Variants in LAMA2 observed in about 807,000 individuals in gnomAD.
The protein encoded by LAMA2 is laminin subunit alpha 2, also known as laminin subunit alpha-2.
A neutral mutation model predicts 364.8 loss-of-function variants in LAMA2; 269 were observed. The ratio of observed to expected loss-of-function variants is 0.74; its 90% CI spans 0.67 to 0.82. The LOEUF (loss-of-function observed/expected upper bound fraction) is 0.82. LAMA2 is among the 40% of genes least tolerant of loss of function. The pLI is 0.00. For missense variants in LAMA2, 3,807 were observed against 3,873.2 expected, an observed-to-expected ratio of 0.98 and a Z score of 0.45; for synonymous variants, 1,379 against 1,370.6, an observed-to-expected ratio of 1.01 and a Z score of -0.14.
chr6:129,064,591 C>T (rs1789168222), intron 3 of LAMA2, among the ~76,000 whole-genome samples: 1 of 151,952 alleles, frequency 6.6e-6, no homozygotes, highest in South Asian at 2.1e-4. Context: ...AAAGAGGAGA[C>T]ATTACTACTG....
Position 129,251,448 on chromosome 6 carries a change from A to G in LAMA2, c.1885-636A>G, listed in dbSNP as rs915699742. Among the ~76,000 whole-genome samples the G allele has an allele frequency of 3.9e-5, 6 of 152,154 alleles. 1 individual carries two copies. The South Asian group carries it at 1.2e-3, about 32-fold the overall frequency. ...ACTTTTTTCAATTCAAGGTGTTTGTAATCACATATATGTTTATGAGTTGTC... is the reference window on the plus strand; with the variant it reads ...ACTTTTTTCAATTCAAGGTGTTTGTGATCACATATATGTTTATGAGTTGTC... On this transcript the variant is annotated intron_variant, in intron 13 of 64. Transcript: ENST00000421865.
chr6:128,916,064 T>C (rs1778292886), intron 1 of LAMA2, among the ~76,000 whole-genome samples: 1 of 152,204 alleles, frequency 6.6e-6, no homozygotes, highest in African/African-American at 2.4e-5. Flanking sequence ...TGGCTGATGT[T>C]CTCTATTATC....
At chr6:129,209,009 C>T (rs1782908649) in intron 12 of LAMA2, among the ~76,000 whole-genome samples, 1 of 152,008 alleles carries the variant, frequency 6.6e-6, no homozygotes, top group Non-Finnish European at 1.5e-5. Context: ...GGAAATAAGT[C>T]ATTTATAATG....
chr6:129,471,632 T>G (rs1783817799), intron 51 of LAMA2, among the ~76,000 whole-genome samples: 1 of 151,936 alleles, frequency 6.6e-6, no homozygotes, highest in African/African-American at 2.4e-5. Context: ...GAAAAAGTCT[T>G]GAAAACAGTT....
At chr6:129,381,185 G>A (rs559821621) in intron 34 of LAMA2, among the ~76,000 whole-genome samples, 47 of 152,070 alleles carry the variant, frequency 3.1e-4, no homozygotes, top group Non-Finnish European at 5.1e-4. Flanking sequence ...ACATTAATCC[G>A]TAAGGTAAGA....
At chr6:128,933,329 T>G (rs1779613566) in intron 1 of LAMA2, among the ~76,000 whole-genome samples, 1 of 152,026 alleles carries the variant, frequency 6.6e-6, no homozygotes, top group Non-Finnish European at 1.5e-5. Flanking sequence ...GATGGATACT[T>G]AGGCCATTTA....
chr6:128,945,860 A>G (rs1780453727), intron 1 of LAMA2, among the ~76,000 whole-genome samples: 1 of 152,236 alleles, frequency 6.6e-6, no homozygotes, highest in Non-Finnish European at 1.5e-5. Flanking sequence ...AGAAGATATA[A>G]TTCGGATATA....
intron 33 of LAMA2, among the ~76,000 whole-genome samples, chr6:129,368,557 A>G (rs1777902080): frequency 6.6e-6 from 1 of 152,192 alleles, no homozygotes; most frequent in Non-Finnish European, 1.5e-5. Context: ...ATTAAACTAG[A>G]AAAGCAAACA....
chr6:129,025,930 C>T (rs995363915), intron 1 of LAMA2, among the ~76,000 whole-genome samples: 5 of 152,126 alleles, frequency 3.3e-5, no homozygotes, highest in Admixed American at 6.5e-5. Flanking sequence ...GTCCATAGAA[C>T]GTATTTGTTG....
At position 129,391,648 on chromosome 6, in the gene LAMA2, G is replaced by T; in HGVS notation, c.5229G>T (p.Glu1743Asp). The change falls in exon 36 of 65, where the codon GAG becomes GAT. Residue 1743 changes from glutamate (E) to aspartate (D), a missense_variant. By Grantham distance (45) the Glu-to-Asp change is conservative. This residue lies in a region of LAMA2 where 3,333 missense variants were observed against 3,345.7 expected (regional missense o/e 1.00). Transcript: ENST00000421865. ...CACAAAAGGAAATTGCTGAAGATGA[G>T]TTGGTGTGAGTAGATGAGTTATTAT... Reference protein sequence around the residue: ...LETQKEIAEDELVAAEALLKK... With the variant: ...LETQKEIAEDDLVAAEALLKK... The T allele has an allele frequency of 6.2e-7, 1 of 1,612,502 alleles. No individual in the cohort carries two copies. The highest frequency in any genetic ancestry group is 8.5e-7 in the Non-Finnish European group (1 of 1,178,606).
At chr6:128,965,934 T>C (rs959121805) in intron 1 of LAMA2, among the ~76,000 whole-genome samples, 2 of 151,348 alleles carry the variant, frequency 1.3e-5, no homozygotes, top group Non-Finnish European at 3.0e-5. Context: ...CTCTTTTCTG[T>C]TGAAATATAG....
chr6:129,389,239 G>A (rs549022766), intron 35 of LAMA2, among the ~76,000 whole-genome samples: 2 of 152,320 alleles, frequency 1.3e-5, no homozygotes, highest in South Asian at 4.1e-4. Context: ...TTTAAGACAT[G>A]TGATTCAAAT....
At chr6:129,131,468 C>T in intron 4 of LAMA2, among the ~76,000 whole-genome samples, 1 of 152,266 alleles carries the variant, frequency 6.6e-6, no homozygotes, top group Non-Finnish European at 1.5e-5. Context: ...AGGGCATGGC[C>T]CTGCAGCTCC....
chr6:129,250,239 C>T (rs1289041474), intron 13 of LAMA2, 26 bp downstream of exon 13: 11 of 1,327,454 alleles, frequency 8.3e-6, no homozygotes, highest in African/African-American at 1.5e-5. Context: ...CATGTTCACC[C>T]GTGTTACTTC....
chr6:129,340,090 A>G (rs974369918), intron 29 of LAMA2, among the ~76,000 whole-genome samples: 1 of 152,138 alleles, frequency 6.6e-6, no homozygotes, highest in African/African-American at 2.4e-5. Context: ...CAGAAAACCT[A>G]CATATGAGGC....
chr6:129,313,316 T>C (rs898975955), intron 23 of LAMA2, among the ~76,000 whole-genome samples: 1 of 152,174 alleles, frequency 6.6e-6, no homozygotes, highest in African/African-American at 2.4e-5. Flanking sequence ...CAAACCCACC[T>C]TTTTTTCTAG....
Position 128,970,612 on chromosome 6 carries a change from G to A in LAMA2, c.113-79306G>A, listed in dbSNP as rs565890844. On this transcript the variant is annotated intron_variant, in intron 1 of 64. Transcript: ENST00000421865. Reference sequence around the variant, plus strand: ...ATGACTTCTCTCAAAAATTTATGCCGGAACATCAACAAATAAATTTGCATT... The same window carrying A: ...ATGACTTCTCTCAAAAATTTATGCCAGAACATCAACAAATAAATTTGCATT... Among the ~76,000 whole-genome samples, 4 of 152,168 alleles carry A rather than the reference G, an allele frequency of 2.6e-5. No homozygotes were observed. In the South Asian group the frequency reaches 6.2e-4, roughly 24 times the overall value.
intron 1 of LAMA2, among the ~76,000 whole-genome samples, chr6:128,898,640 T>G (rs1291832166): frequency 6.6e-6 from 1 of 152,230 alleles, no homozygotes; most frequent in East Asian, 1.9e-4. Flanking sequence ...TTTTCTCTTT[T>G]CCATTTTACA....
chr6:129,287,090 G>A (rs2326796), intron 18 of LAMA2, among the ~76,000 whole-genome samples: 2 of 2,100 alleles, frequency 9.5e-4, no homozygotes, highest in Non-Finnish European at 3.7e-3. Flanking sequence ...AGGGAGGGAA[G>A]GAGGGAAGGA....
Sources: allele counts gnomAD v4.1 joint callset (sites outside exome capture counted in the v4.1 genomes callset), GRCh38; gene constraint gnomAD v4.1.1; regional missense constraint gnomAD v4.1.1; transcripts MANE v1.5; gene names NCBI Gene and HGNC (gene_info 2026-07-23, HGNC 2026-07-21).